Variants in TTN observed in about 807,000 individuals in gnomAD.
TTN encodes the protein connectin.
Under a neutral mutation model 3,223.0 loss-of-function variants are expected in TTN, and 1,525 were observed. That is an observed-to-expected ratio of 0.47 (90% CI 0.45 to 0.49). The LOEUF (loss-of-function observed/expected upper bound fraction) is 0.49. TTN is among the 20% of genes least tolerant of loss of function. The pLI, the probability that TTN is intolerant of heterozygous loss-of-function variation, is 0.00. For missense variants in TTN, 40,786 were observed against 43,424.0 expected, an observed-to-expected ratio of 0.94 and a Z score of 5.40; for synonymous variants, 14,094 against 15,161.0, an observed-to-expected ratio of 0.93 and a Z score of 5.17.
intron 163 of TTN, 125 bp downstream of exon 163, chr2:178,666,699 G>GGGGATC: frequency 1.4e-6 from 1 of 726,374 alleles, no homozygotes. Context: ...CTTCTACTTG[G>GGGGATC]GGGATCCATC....
At chr2:178,622,179 A>G (rs994928502) in intron 243 of TTN, among the ~76,000 whole-genome samples, 171 bp from the exon 244 acceptor site, 6 of 151,924 alleles carry the variant, frequency 3.9e-5, no homozygotes, top group African/African-American at 1.2e-4. Flanking sequence ...AGCAAGAACA[A>G]TCTTACCAAT....
intron 136 of TTN, 85 bp downstream of exon 136, chr2:178,681,576 G>T (rs1407704049): frequency 1.4e-6 from 2 of 1,466,936 alleles, no homozygotes; most frequent in Non-Finnish European, 1.9e-6. Flanking sequence ...TTTGTACACT[G>T]CCACTTTTAC....
chr2:178,666,964 T>C (rs1210371550), intron 162 of TTN, 63 bp from the exon 163 acceptor site: 7 of 1,182,380 alleles, frequency 5.9e-6, no homozygotes, highest in Non-Finnish European at 8.2e-6. Flanking sequence ...CATGACATAC[T>C]AAGAAAGTTA....
At chr2:178,770,796 T>C in intron 34 of TTN, 121 bp from the exon 35 acceptor site, 1 of 1,247,064 alleles carries the variant, frequency 8.0e-7, no homozygotes, top group Non-Finnish European at 1.2e-6. Flanking sequence ...ATTTTACAGT[T>C]ATGCAGCACC....
Position 178,783,721 on chromosome 2 carries a change from G to A in TTN, c.2840C>T (p.Ser947Leu), listed in dbSNP as rs761200839. Residue 947 changes from serine (S) to leucine (L), a missense_variant and splice_region_variant, in exon 17 of 363, where the codon TCG (serine) becomes TTG (leucine). Ser to Leu is a moderately radical substitution (Grantham distance 145, BLOSUM62 -2). Coordinates refer to ENST00000589042, the MANE Select transcript of TTN (RefSeq NM_001267550.2). ...EIPVTPPTLV[S>L]GLKNVTVIEG... is the part of the protein sequence containing the mutation. ...AGCATTATCAACTTCTTTACTCACC[G>A]AGACCAAAGTTGGTGGAGTAACAGG... 2.0e-5 allele frequency: 32 copies of A among 1,612,836 alleles called. No individual in the cohort carries two copies. Among genetic ancestry groups the A allele is most frequent in the Admixed American group, 1.0e-4 (6 of 59,952 alleles).
Position 178,607,956 on chromosome 2 carries a change from C to T in TTN, c.52831G>A (p.Val17611Ile), listed in dbSNP as rs748265704. The T allele has an allele frequency of 1.2e-5, 20 of 1,612,852 alleles. No individual in the cohort carries two copies. Among genetic ancestry groups the T allele is most frequent in the African/African-American group, 2.7e-5 (2 of 74,822 alleles). Residue 17611 changes from valine to isoleucine, a missense_variant, in exon 276 of 363, where the codon GTT becomes ATT. Physicochemically the swap from Val to Ile is conservative, Grantham distance 29. Coordinates refer to ENST00000589042, the MANE Select transcript of TTN (RefSeq NM_001267550.2). ...CAGCGTGACCATTCATTTGTGCCAACCAACTGCTTATCAACAAAATAGCCA... is the reference window on the plus strand; with the variant it reads ...CAGCGTGACCATTCATTTGTGCCAATCAACTGCTTATCAACAAAATAGCCA... ...IVGYFVDKQL[V>I]GTNEWSRCTE...
chr2:178,717,192 T>G lies in TTN; in HGVS notation c.25542A>C (p.Thr8514=), dbSNP rs761106201. The G allele has an allele frequency of 3.7e-6, 6 of 1,613,572 alleles. No homozygotes were observed. The South Asian group carries it at 6.6e-5, about 18-fold the overall frequency. The change falls in exon 88 of 363, where the codon ACA becomes ACC. Residue 8514 remains threonine, a synonymous_variant. Transcript: ENST00000589042. ...CATCGCCTTTGCCTACTTTGAGAAC[T>G]GTCAGAGTGGCAGTATTTTCTACCA... ...MTLVENTATL[T]VLKVGKGDAG...
At chr2:178,604,376 C>G in intron 281 of TTN, 71 bp from the exon 282 acceptor site, 1 of 1,261,200 alleles carries the variant, frequency 7.9e-7, no homozygotes, top group Admixed American at 3.3e-5. Flanking sequence ...TTTAAAAATT[C>G]AACTTATTTT....
rs869312096 is a variant in TTN at position 178,751,956 on chromosome 2, AT to A, written c.11311+1167del. On this transcript the variant is annotated intron_variant, in intron 47 of 362. Transcript: ENST00000589042. ...CTTGCATATCTTTTAGCAGCCATGG[AT>A]TTGTGGTCTATGTCTTCAGAATCTG... 1.3e-6 allele frequency: 2 copies of A among 1,589,066 alleles called. No individual in the cohort carries two copies. The highest frequency in any genetic ancestry group is 1.7e-6 in the Non-Finnish European group (2 of 1,172,186).
intron 15 of TTN, among the ~76,000 whole-genome samples, chr2:178,784,645 C>G (rs547726630): frequency 1.3e-5 from 2 of 152,280 alleles, no homozygotes; most frequent in South Asian, 4.1e-4. Flanking sequence ...AAAGCTTAGT[C>G]ACGAATTTTC....
rs1239606732 is a variant in TTN, at chr2:178,710,872, C to T, written c.28225G>A (p.Val9409Met). ...TCAAAGTCAGCACTTTCTCCCACCACAGCATCCACAGGGGCAAGACGGATG... is the reference window on the plus strand; with the variant it reads ...TCAAAGTCAGCACTTTCTCCCACCATAGCATCCACAGGGGCAAGACGGATG... Reference protein sequence around the residue: ...FDIRLAPVDAVVGESADFECH... With the variant: ...FDIRLAPVDAMVGESADFECH... The change falls in exon 98 of 363, where the codon GTG becomes ATG. Residue 9409 changes from valine to methionine, a missense_variant. Transcript: ENST00000589042. 13 of 1,613,800 alleles carry T rather than the reference C, an allele frequency of 8.1e-6. No homozygotes were observed. Among genetic ancestry groups the T allele is most frequent in the Middle Eastern group, 1.6e-4 (1 of 6,080 alleles).
Position 178,575,969 on chromosome 2 carries a change from C to T in TTN, c.70163G>A (p.Arg23388Gln), listed in dbSNP as rs55853138. The T allele has an allele frequency of 6.3e-5, 102 of 1,611,218 alleles. No homozygotes were observed. The highest frequency in any genetic ancestry group is 8.2e-5 in the Non-Finnish European group (96 of 1,177,842). The change falls in exon 326 of 363, where the codon CGA (arginine) becomes CAA (glutamine). Residue 23388 changes from arginine (R) to glutamine (Q), a missense_variant. Coordinates refer to ENST00000589042, the MANE Select transcript of TTN (RefSeq NM_001267550.2). The surrounding 1 kb of genome is among the most constrained non-coding windows in gnomAD (Gnocchi z 4.0). ...WTKDNINLKN[R>Q]ANIENTESFT... is the part of the protein sequence containing the mutation. ...TGATTCCGTATTTTCAATGTTGGCT[C>T]GGTTTTTCAGGTTGATGTTATCTTT...
rs2076818020 is a variant in TTN at position 178,712,599 on chromosome 2, G to A, written c.27329-6C>T. 1 of 1,608,528 alleles carries A rather than the reference G, an allele frequency of 6.2e-7. No homozygotes were observed. The highest frequency in any genetic ancestry group is 1.7e-5 in the Admixed American group (1 of 59,382). ...CTTCACAAATTTGGCTGGGGCTAAA[G>A]TGACCAAATTGAAAATATAAAATCA... On this transcript the variant is annotated splice_region_variant and splice_polypyrimidine_tract_variant and intron_variant, in intron 94 of 362. Transcript: ENST00000589042.
chr2:178,546,372 G>T lies in TTN; in HGVS notation c.94959C>A (p.Asp31653Glu), dbSNP rs546302731. 7 of 1,613,746 alleles carry T rather than the reference G, an allele frequency of 4.3e-6. No homozygotes were observed. In the South Asian group the frequency reaches 7.7e-5, roughly 18 times the overall value. Residue 31653 changes from aspartate to glutamate, a missense_variant, in exon 342 of 363, where the codon GAC (aspartate) becomes GAA (glutamate). Physicochemically the swap from Asp to Glu is conservative, Grantham distance 45. Transcript: ENST00000589042. ...CTTTTTCACAGAGATCTAGCTCCTT[G>T]TCTCCTTTGGTCCAGATAATTTTGG... The part of the protein sequence containing the change: ...PEPKIIWTKG[D>E]KELDLCEKVS...
rs1220521402 is a variant in TTN at position 178,564,922 on chromosome 2, A to T, written c.81210T>A (p.Phe27070Leu). 7 of 1,612,238 alleles carry T rather than the reference A, an allele frequency of 4.3e-6. No homozygotes were observed. The highest frequency in any genetic ancestry group is 5.1e-6 in the Non-Finnish European group (6 of 1,179,302). Residue 27070 changes from phenylalanine to leucine, a missense_variant, in exon 326 of 363, where the codon TTT becomes TTA. Physicochemically the swap from Phe to Leu is conservative, Grantham distance 22. Coordinates refer to ENST00000589042, the MANE Select transcript of TTN (RefSeq NM_001267550.2). ...GAGTTCCAGGTGGTCCAGGTTCTTT[A>T]AATGGATATTGTACAATAACTGCCT... ...DSKAVIVQYP[F>L]KEPGPPGTPF... is the part of the protein sequence containing the mutation.
rs774224899 is a variant in TTN, at chr2:178,574,548, G to C, written c.71584C>G (p.His23862Asp). ...CCATTTCGTTCTTTTCTTTCAACAT[G>C]ATATCCTAAAATGGGGCTTCCACCA... ...SDGGSPILGY[H>D]VERKERNGIL... Residue 23862 changes from histidine to aspartate, a missense_variant, in exon 326 of 363, where the codon CAT (histidine) becomes GAT (aspartate). Transcript: ENST00000589042. 3 of 1,613,564 alleles carry C rather than the reference G, an allele frequency of 1.9e-6. No individual in the cohort carries two copies. Among genetic ancestry groups the C allele is most frequent in the Admixed American group, 1.7e-5 (1 of 60,006 alleles).
rs1560825296 is a variant in TTN at position 178,733,382 on chromosome 2, C to T, written c.15911G>A (p.Ser5304Asn). ...WYKDGRPLVA[S>N]KKYRISFKNN... Reference sequence around the variant, plus strand: ...TTTAAAACTTATTCGGTATTTTTTACTGGCGACCAAGGGTCTCCCATCTTT... The same window carrying T: ...TTTAAAACTTATTCGGTATTTTTTATTGGCGACCAAGGGTCTCCCATCTTT... The change falls in exon 54 of 363, where the codon AGT becomes AAT. Residue 5304 changes from serine to asparagine, a missense_variant. Ser to Asn is a conservative substitution (Grantham distance 46, BLOSUM62 1). Transcript: ENST00000589042. 2 of 1,613,820 alleles carry T rather than the reference C, an allele frequency of 1.2e-6. No individual in the cohort carries two copies. The highest frequency in any genetic ancestry group is 1.7e-6 in the Non-Finnish European group (2 of 1,179,786).
At position 178,675,929 on chromosome 2, in the gene TTN, G is replaced by C; in HGVS notation, c.34445C>G (p.Pro11482Arg). The C allele has an allele frequency of 1.9e-6, 3 of 1,607,464 alleles. No individual in the cohort carries two copies. The highest frequency in any genetic ancestry group is 2.6e-6 in the Non-Finnish European group (3 of 1,176,436). ...CTTCGGAATAGCAATACCTTTGGCA[G>C]GGGGAGCCTCCTCTTTCTTGGGAAT... Reference protein sequence around the residue: ...VVIPKKEEAPPAKVSVVPKKP... With the variant: ...VVIPKKEEAPRAKVSVVPKKP... Residue 11482 changes from proline to arginine, a missense_variant, in exon 148 of 363, where the codon CCT (proline) becomes CGT (arginine). Coordinates refer to ENST00000589042, the MANE Select transcript of TTN (RefSeq NM_001267550.2).
chr2:178,599,902 G>T lies in TTN; in HGVS notation c.56051-52C>A, dbSNP rs2052832422. ...TAGGAGCAAAAAGCATTGAGGGATA[G>T]AAAGTAGAATTCACAGTTACTATAA... is the stretch of plus-strand genomic sequence containing the variant. On this transcript the variant is annotated intron_variant, in intron 288 of 362. Transcript: ENST00000589042. The T allele has an allele frequency of 2.7e-6, 4 of 1,485,350 alleles. No homozygotes were observed. The African/African-American group carries it at 4.2e-5, about 16-fold the overall frequency. 92.0% of individuals were successfully genotyped at this position (1,485,350 alleles called of 1,614,324 possible).
Sources: allele counts gnomAD v4.1 joint callset (sites outside exome capture counted in the v4.1 genomes callset), GRCh38; gene constraint gnomAD v4.1.1; non-coding constraint Gnocchi (gnomAD v3.1); transcripts MANE v1.5; gene names NCBI Gene and HGNC (gene_info 2026-07-23, HGNC 2026-07-21).